Variants in RASSF6 observed in about 807,000 individuals in gnomAD.
The protein encoded by RASSF6 is ras association domain-containing protein 6.
In RASSF6, 52 loss-of-function variants were observed where a neutral mutation model predicts 44.0. The ratio of observed to expected loss-of-function variants is 1.18; its 90% CI spans 0.95 to 1.49. The LOEUF (loss-of-function observed/expected upper bound fraction) is 1.49, where lower values mean the gene tolerates loss of function less well. RASSF6 is among the 40% of genes most tolerant of loss of function. The pLI is 0.00. For missense variants in RASSF6, 464 were observed against 393.3 expected (o/e 1.18, Z -1.52); for synonymous variants, 162 against 124.6 (o/e 1.30, Z -2.00).
intron 4 of RASSF6, among the ~76,000 whole-genome samples, chr4:73,588,950 C>G (rs928015374): frequency 1.3e-5 from 2 of 152,102 alleles, no homozygotes; most frequent in African/African-American, 4.8e-5. Flanking sequence ...TTTCTTATGA[C>G]TAAAATATAT....
At chr4:73,594,432 A>G (rs187296458) in intron 3 of RASSF6, among the ~76,000 whole-genome samples, 2 of 152,326 alleles carry the variant, frequency 1.3e-5, no homozygotes, top group African/African-American at 2.4e-5. Context: ...AAAACTCCAG[A>G]CTCTGGAATC....
chr4:73,605,787 T>C (rs1725579972), intron 2 of RASSF6, among the ~76,000 whole-genome samples: 2 of 152,196 alleles, frequency 1.3e-5, no homozygotes, highest in African/African-American at 2.4e-5. Context: ...ACATATGTTA[T>C]TTTTTGACTT....
At position 73,590,366 on chromosome 4, in the gene RASSF6, C is replaced by G. The variant is rs991902945; in HGVS notation, c.288-2432G>C. Among the ~76,000 whole-genome samples the G allele has an allele frequency of 2.0e-5, 3 of 152,302 alleles. No homozygotes were observed. The East Asian group carries it at 5.8e-4, about 29-fold the overall frequency. On this transcript the variant is annotated intron_variant, in intron 4 of 10. Coordinates refer to ENST00000307439, the MANE Select transcript of RASSF6 (RefSeq NM_177532.5). ...TGAAGTTCTATTGTCATTTACCCCA[C>G]GTTTACCCACTGCAGATATAAAATC...
At chr4:73,599,628 T>G (rs1320290690) in intron 2 of RASSF6, among the ~76,000 whole-genome samples, 3 of 152,162 alleles carry the variant, frequency 2.0e-5, no homozygotes, top group African/African-American at 4.8e-5. Context: ...TCTCAGTGTC[T>G]CTATGTCTTG....
At chr4:73,609,112 T>G (rs1235574601) in intron 2 of RASSF6, among the ~76,000 whole-genome samples, 1 of 152,226 alleles carries the variant, frequency 6.6e-6, no homozygotes. Flanking sequence ...AAGTTTTTAT[T>G]AGGTTACTAA....
At chr4:73,615,995 A>T in intron 1 of RASSF6, 3 of 1,433,434 alleles carry the variant, frequency 2.1e-6, no homozygotes, top group Non-Finnish European at 2.9e-6. Flanking sequence ...TTATCCAACC[A>T]TGAGTTAATT....
At chr4:73,598,580 G>GTA (rs1725083683) in intron 3 of RASSF6, 60 bp downstream of exon 3, 4 of 789,118 alleles carry the variant, frequency 5.1e-6, no homozygotes, top group African/African-American at 3.6e-5. Context: ...GTGTGTGTGT[G>GTA]TGTGTGCACG....
chr4:73,606,823 T>C (rs769758268), intron 2 of RASSF6, among the ~76,000 whole-genome samples: 10 of 152,290 alleles, frequency 6.6e-5, no homozygotes, highest in Non-Finnish European at 1.2e-4. Flanking sequence ...CTTGCTCCCT[T>C]GGGAGGGAGA....
Position 73,612,479 on chromosome 4 carries a change from C to CTTTTCTT in RASSF6, c.-34-651_-34-650insAAGAAAA, listed in dbSNP as rs1553905959. On this transcript the variant is annotated intron_variant, in intron 1 of 10. Transcript: ENST00000307439. ...AAGATGGATGAGAGAGTTCAGTTTT[C>CTTTTCTT]TTTTTTTTTTTTTTTTAAAAAAAAA... 9.0e-3 allele frequency among the ~76,000 whole-genome samples: 614 copies of CTTTTCTT among 68,272 alleles called. 10 individuals are homozygous for CTTTTCTT. The highest frequency in any genetic ancestry group is 0.031 in the African/African-American group (575 of 18,258). The allele number at this position is 68,272 out of a possible 152,430, so 44.8% of individuals were successfully genotyped here.
chr4:73,591,202 T>C (rs1724531187), intron 4 of RASSF6, among the ~76,000 whole-genome samples: 1 of 152,244 alleles, frequency 6.6e-6, no homozygotes, highest in African/African-American at 2.4e-5. Flanking sequence ...ATTAGCCTGT[T>C]TGGTTCATTC....
intron 2 of RASSF6, among the ~76,000 whole-genome samples, chr4:73,602,424 A>C (rs539567532): frequency 1.3e-5 from 2 of 152,380 alleles, no homozygotes; most frequent in African/African-American, 4.8e-5. Context: ...AAGGTTCTAA[A>C]GTCCAGAAGG....
intron 4 of RASSF6, among the ~76,000 whole-genome samples, chr4:73,591,634 C>T (rs1342295007): frequency 6.6e-6 from 1 of 152,098 alleles, no homozygotes. Flanking sequence ...AAATGTGGGG[C>T]TCTCTCAGGC....
rs1441287650 is a variant in RASSF6, at chr4:73,574,960, C to T, written c.*1275G>A. ...TTAATATTGACAGGTGAAAGAATAG[C>T]GATGCAAGCCTCTGGTTTACTCAGT... On this transcript the variant is annotated 3_prime_UTR_variant, in exon 11 of 11. Transcript: ENST00000307439. The T allele has an allele frequency of 6.6e-6, 1 of 152,070 alleles. No homozygotes were observed. The highest frequency in any genetic ancestry group is 1.5e-5 in the Non-Finnish European group (1 of 68,026). The allele number at this position is 152,070 out of a possible 1,614,324, so 9.4% of individuals were successfully genotyped here.
chr4:73,588,211 CAT>C (rs1190109585), intron 4 of RASSF6, among the ~76,000 whole-genome samples: 1 of 151,938 alleles, frequency 6.6e-6, no homozygotes, highest in Non-Finnish European at 1.5e-5. Context: ...TTCTGTAAAA[CAT>C]ATGTCCAAAT....
chr4:73,607,269 G>A (rs959974923), intron 2 of RASSF6, among the ~76,000 whole-genome samples: 3 of 152,122 alleles, frequency 2.0e-5, no homozygotes, highest in Admixed American at 1.3e-4. Context: ...GTTAAGTCCT[G>A]TTTGGTCTCT....
chr4:73,582,168 C>T, intron 7 of RASSF6, 21 bp downstream of exon 7: 1 of 1,053,022 alleles, frequency 9.5e-7, no homozygotes, highest in Non-Finnish European at 1.4e-6. Context: ...ATTTATAGCT[C>T]AGTTAAGTGA....
chr4:73,587,687 T>C (rs7696502), intron 5 of RASSF6, among the ~76,000 whole-genome samples, 153 bp downstream of exon 5: 42,173 of 151,772 alleles, frequency 0.28, 6,093 homozygotes, highest in Admixed American at 0.41. Context: ...TAAGTTACTA[T>C]GCTCCTAAGA....
At position 73,611,306 on chromosome 4, in the gene RASSF6, A is replaced by G. The variant is rs79264015; in HGVS notation, c.65+425T>C. ...AAGAAAAGCTGTGGATGTTGGCCAT[A>G]TATTGCATAATCTAATGTCAAGAGG... On this transcript the variant is annotated intron_variant, in intron 2 of 10. Coordinates refer to ENST00000307439, the MANE Select transcript of RASSF6 (RefSeq NM_177532.5). Among the ~76,000 whole-genome samples, 210 of 152,284 alleles carry G rather than the reference A, an allele frequency of 1.4e-3. 1 individual carries two copies. Among genetic ancestry groups the G allele is most frequent in the African/African-American group, 4.6e-3 (190 of 41,548 alleles).
chr4:73,577,713 C>CTCTTT (rs1723328764), intron 8 of RASSF6, among the ~76,000 whole-genome samples: 1 of 152,194 alleles, frequency 6.6e-6, no homozygotes, highest in Non-Finnish European at 1.5e-5. Flanking sequence ...ATCCACCCAC[C>CTCTTT]AGAATCCTCT....
Sources: gnomAD v4.1 joint callset for allele counts (sites outside exome capture counted in the v4.1 genomes callset) on GRCh38, gnomAD v4.1.1 for gene constraint, MANE v1.5 for transcripts, NCBI Gene and HGNC (gene_info 2026-07-23, HGNC 2026-07-21) for gene names.